SLC45A2: variants seen among roughly 807,000 people sequenced by gnomAD.
SLC45A2 encodes solute carrier family 45 member 2.
SLC45A2 carries 36 observed loss-of-function variants against 45.5 expected under a neutral mutation model. That is an observed-to-expected ratio of 0.79 (90% CI 0.61 to 1.04). The LOEUF is 1.04. Ranked by LOEUF, SLC45A2 falls within the 50% of genes least tolerant of loss-of-function variation. The pLI, the probability that SLC45A2 is intolerant of heterozygous loss-of-function variation, is 0.00. For missense variants in SLC45A2, 719 were observed against 671.0 expected (o/e 1.07, Z -0.79); for synonymous variants, 306 against 269.3 (o/e 1.14, Z -1.33).
Position 33,954,216 on chromosome 5 carries a change from C to T in SLC45A2, c.1032+145G>A. ...CAGGGTATAGTAGCATTTTTCTACA[C>T]CTGTCTGTAAGTCAGCTTCTTGATG... On this transcript the variant is annotated intron_variant, in intron 4 of 6. Coordinates refer to ENST00000296589, the MANE Select transcript of SLC45A2 (RefSeq NM_016180.5). The T allele has an allele frequency of 1.1e-5, 13 of 1,148,392 alleles. No homozygotes were observed. In the South Asian group the frequency reaches 1.5e-4, roughly 13 times the overall value. 71.1% of individuals were successfully genotyped at this position (1,148,392 alleles called of 1,614,324 possible).
chr5:33,975,187 T>C (rs966688227), intron 2 of SLC45A2, among the ~76,000 whole-genome samples: 2 of 152,198 alleles, frequency 1.3e-5, no homozygotes, highest in Admixed American at 1.3e-4. Flanking sequence ...CGGGGTTCAG[T>C]GCTGGTCATG....
At chr5:33,954,746 T>C (rs1426555731) in intron 3 of SLC45A2, among the ~76,000 whole-genome samples, 2 of 152,148 alleles carry the variant, frequency 1.3e-5, no homozygotes, top group Non-Finnish European at 2.9e-5. Context: ...GCAAAGGGAA[T>C]GAGAATGGTG....
intron 5 of SLC45A2, among the ~76,000 whole-genome samples, chr5:33,950,908 A>G (rs754970692): frequency 1.3e-5 from 2 of 152,240 alleles, no homozygotes; most frequent in African/African-American, 4.8e-5. Context: ...CGCAAGTACA[A>G]TGCAGCCTGT....
intron 2 of SLC45A2, chr5:33,972,336 G>A (rs1036259020): frequency 4.1e-4 from 157 of 384,254 alleles, no homozygotes; most frequent in Non-Finnish European, 1.2e-4. Flanking sequence ...GCTGCATCCA[G>A]GAAGATTAGA....
intron 2 of SLC45A2, among the ~76,000 whole-genome samples, chr5:33,968,418 C>A (rs747233128): frequency 6.6e-6 from 1 of 152,186 alleles, no homozygotes; most frequent in Admixed American, 6.5e-5. Flanking sequence ...CCAGAGCATT[C>A]GGAGGACATC....
chr5:33,955,343 C>T (rs1482887608), intron 3 of SLC45A2, among the ~76,000 whole-genome samples: 1 of 152,238 alleles, frequency 6.6e-6, no homozygotes, highest in African/African-American at 2.4e-5. Context: ...GAATACAGCT[C>T]TGCTAACACT....
intron 4 of SLC45A2, among the ~76,000 whole-genome samples, chr5:33,952,997 T>C (rs1752159793): frequency 1.1e-5 from 1 of 88,414 alleles, no homozygotes; most frequent in Admixed American, 1.2e-4. Context: ...TCCAATTTCA[T>C]CCATGTCCCT....
intron 2 of SLC45A2, among the ~76,000 whole-genome samples, chr5:33,980,144 A>C (rs1017083491): frequency 1.4e-5 from 2 of 138,782 alleles, no homozygotes; most frequent in African/African-American, 6.5e-5. Context: ...TAGGAAAATG[A>C]AGTTGGAATC....
chr5:33,968,117 G>C (rs1002243820), intron 2 of SLC45A2, among the ~76,000 whole-genome samples: 5 of 152,048 alleles, frequency 3.3e-5, no homozygotes, highest in Middle Eastern at 3.2e-3. Flanking sequence ...TAAGACACTG[G>C]AAAAAAATAT....
At chr5:33,975,290 C>T (rs1300424063) in intron 2 of SLC45A2, among the ~76,000 whole-genome samples, 2 of 152,174 alleles carry the variant, frequency 1.3e-5, no homozygotes, top group Non-Finnish European at 2.9e-5. Context: ...ATGTAACCCT[C>T]GGGTCTCCTT....
intron 2 of SLC45A2, among the ~76,000 whole-genome samples, chr5:33,975,287 C>T (rs1031133339): frequency 6.6e-6 from 1 of 152,146 alleles, no homozygotes; most frequent in African/African-American, 2.4e-5. Flanking sequence ...GTTATGTAAC[C>T]CTCGGGTCTC....
At chr5:33,949,323 G>T (rs896367726) in intron 5 of SLC45A2, among the ~76,000 whole-genome samples, 1 of 152,184 alleles carries the variant, frequency 6.6e-6, no homozygotes, top group East Asian at 1.9e-4. Context: ...GCCCAGAGTG[G>T]GTTGAGGTGC....
At chr5:33,955,796 G>T (rs1398774104) in intron 3 of SLC45A2, among the ~76,000 whole-genome samples, 1 of 152,130 alleles carries the variant, frequency 6.6e-6, no homozygotes, top group Non-Finnish European at 1.5e-5. Context: ...AGAAGATTTA[G>T]TTTGAGGCAC....
intron 3 of SLC45A2, among the ~76,000 whole-genome samples, chr5:33,956,581 A>C (rs956456293): frequency 6.6e-6 from 1 of 152,202 alleles, no homozygotes; most frequent in African/African-American, 2.4e-5. Flanking sequence ...AACACACAAA[A>C]GCTTCACCAG....
intron 2 of SLC45A2, among the ~76,000 whole-genome samples, chr5:33,966,411 T>A (rs1014038711): frequency 7.3e-5 from 11 of 149,724 alleles, no homozygotes; most frequent in African/African-American, 2.7e-4. Flanking sequence ...AAGCACATAA[T>A]GGGAGAAGCT....
intron 3 of SLC45A2, 111 bp from the exon 4 acceptor site, chr5:33,954,615 A>C (rs755882491): frequency 3.1e-5 from 45 of 1,471,774 alleles, no homozygotes; most frequent in Non-Finnish European, 3.9e-5. Flanking sequence ...CATCACACAA[A>C]GTGTCACTTT....
chr5:33,981,016 G>A (rs997449357), intron 2 of SLC45A2, among the ~76,000 whole-genome samples: 7 of 152,188 alleles, frequency 4.6e-5, no homozygotes, highest in Admixed American at 1.3e-4. Flanking sequence ...GGACGCCAGC[G>A]GGGTGGGAGC....
At chr5:33,964,706 G>C (rs1752553921) in intron 2 of SLC45A2, among the ~76,000 whole-genome samples, 1 of 152,066 alleles carries the variant, frequency 6.6e-6, no homozygotes, top group Non-Finnish European at 1.5e-5. Context: ...ATCTTCTCAG[G>C]CTTAAACATT....
At chr5:33,965,245 G>T (rs904656848) in intron 2 of SLC45A2, among the ~76,000 whole-genome samples, 1 of 152,116 alleles carries the variant, frequency 6.6e-6, no homozygotes, top group Non-Finnish European at 1.5e-5. Flanking sequence ...AGAACTAAAG[G>T]AGTTCCTCTC....
Sources: gnomAD v4.1 joint callset for allele counts (sites outside exome capture counted in the v4.1 genomes callset) on GRCh38, gnomAD v4.1.1 for gene constraint, MANE v1.5 for transcripts, NCBI Gene and HGNC (gene_info 2026-07-23, HGNC 2026-07-21) for gene names.